The following TRPM5 variants were observed in gnomAD, a reference collection of about 807,000 sequenced individuals.
TRPM5 encodes MLSN1 and TRP-related.
TRPM5 carries 121 observed loss-of-function variants against 124.9 expected under a neutral mutation model. The ratio of observed to expected loss-of-function variants is 0.97; its 90% confidence interval spans 0.84 to 1.13. TRPM5 has a LOEUF of 1.13. Ranked by LOEUF, TRPM5 falls within the 50% of genes most tolerant of loss-of-function variation. The pLI is 0.00. For missense variants in TRPM5, 1,643 were observed against 1,589.1 expected, an observed-to-expected ratio of 1.03 and a Z score of -0.58; for synonymous variants, 781 against 700.5, an observed-to-expected ratio of 1.11 and a Z score of -1.81.
intron 13 of TRPM5, 99 bp from the exon 19 acceptor site, chr11:2,413,325 G>A: frequency 7.4e-7 from 1 of 1,350,010 alleles, no homozygotes; most frequent in Non-Finnish European, 1.0e-6. Flanking sequence ...TGGGATGCAG[G>A]GGCTGTGGGG....
the TRPM5 span, among the ~76,000 whole-genome samples, chr11:2,428,283 G>A: frequency 6.6e-6 from 1 of 152,142 alleles, no homozygotes; most frequent in Non-Finnish European, 1.5e-5. The surrounding 1 kb of genome is among the most constrained non-coding windows in gnomAD (Gnocchi z 4.0). Flanking sequence ...CCCCCTGTTC[G>A]GGGCCCCTCA....
At chr11:2,413,918 A>T (rs1188850324) in intron 12 of TRPM5, 143 bp downstream of exon 17, 1 of 1,212,810 alleles carries the variant, frequency 8.2e-7, no homozygotes, top group Non-Finnish European at 1.1e-6. Flanking sequence ...GCCTTCCAGG[A>T]ACAGAAGCCC....
chr11:2,411,871 G>A, intron 16 of TRPM5, 104 bp from the exon 22 acceptor site: 1 of 1,413,606 alleles, frequency 7.1e-7, no homozygotes, highest in Non-Finnish European at 9.7e-7. Context: ...GGCCAGGCCA[G>A]GACTCCTTGG....
intron 2 of TRPM5, among the ~76,000 whole-genome samples, chr11:2,421,792 G>C (rs990251461): frequency 6.6e-6 from 1 of 152,178 alleles, no homozygotes; most frequent in Non-Finnish European, 1.5e-5. Flanking sequence ...GTGGGAGCAG[G>C]GACATCTCAT....
chr11:2,413,935 G>A (rs935929094), intron 12 of TRPM5, 126 bp downstream of exon 17: 14 of 1,325,756 alleles, frequency 1.1e-5, no homozygotes, highest in East Asian at 7.6e-5. Context: ...GCCCCACCCC[G>A]CCCCCTCTGT....
chr11:2,405,123 G>T (rs1287105635), intron 23 of TRPM5, 80 bp from the exon 29 acceptor site: 4 of 1,234,768 alleles, frequency 3.2e-6, no homozygotes, highest in South Asian at 1.3e-5. Context: ...TGGCTCAGAG[G>T]CAAGGGCCAG....
At chr11:2,430,014 A>G in the TRPM5 span, among the ~76,000 whole-genome samples, 2 of 146,744 alleles carry the variant, frequency 1.4e-5, no homozygotes, top group Admixed American at 6.8e-5. Context: ...TCCTTCATCT[A>G]TCCTGGTCCT....
At chr11:2,444,085 C>T in the TRPM5 span, among the ~76,000 whole-genome samples, 2 of 152,038 alleles carry the variant, frequency 1.3e-5, no homozygotes, top group African/African-American at 4.8e-5. Flanking sequence ...AGGTCCAGAC[C>T]CCGGCTGTGC....
In TRPM5 at chr11:2,421,154, G is replaced by T. The variant is rs780630779; in HGVS notation, c.343C>A (p.His115Asn). Residue 115 changes from histidine to asparagine, a missense_variant, in exon 3 of 24, where the codon CAT becomes AAT. By Grantham distance (68) the His-to-Asn change is moderately conservative. Coordinates refer to ENST00000155858, the Ensembl canonical transcript of TRPM5. Reference sequence around the variant, plus strand: ...TGGTCGCGCACGGCCTGCCCGACATGCCTGGCCAGGCCCACGCGGAGGGCA... The same window carrying T: ...TGGTCGCGCACGGCCTGCCCGACATTCCTGGCCAGGCCCACGCGGAGGGCA... 19 of 1,542,038 alleles carry T rather than the reference G, an allele frequency of 1.2e-5. No individual in the cohort carries two copies. In the Middle Eastern group the frequency reaches 6.7e-4, roughly 55 times the overall value.
chr11:2,406,254 A>C, intron 21 of TRPM5, 163 bp from the exon 27 acceptor site: 2 of 735,378 alleles, frequency 2.7e-6, no homozygotes, highest in Admixed American at 2.1e-5. Context: ...GGACCCCTCA[A>C]AGTGCACCTG....
chr11:2,440,840 C>G, the TRPM5 span, among the ~76,000 whole-genome samples: 1 of 152,232 alleles, frequency 6.6e-6, no homozygotes, highest in Non-Finnish European at 1.5e-5. This position sits in a 1 kb window ranked among gnomAD's most constrained non-coding sequence, Gnocchi z 5.2. Flanking sequence ...GCTGTTCTAG[C>G]AGCCCAGCCC....
At chr11:2,405,094 C>T (rs1022848331) in intron 23 of TRPM5, 51 bp from the exon 29 acceptor site, 7 of 1,515,584 alleles carry the variant, frequency 4.6e-6, no homozygotes, top group Non-Finnish European at 6.4e-6. Context: ...AAGGCAGGCC[C>T]AGGAAGGGGA....
rs937345178 is a variant in TRPM5, at chr11:2,421,121, C to T, written c.376G>A (p.Ala126Thr). The change falls in exon 3 of 24, where the codon GCC becomes ACC. Residue 126 changes from alanine (A) to threonine (T), a missense_variant. Coordinates refer to ENST00000155858, the Ensembl canonical transcript of TRPM5. Reference sequence around the variant, plus strand: ...ACACGGACCTTGGTGGACGTGCTGGCCAGCGAGTGGTCGCGCACGGCCTGC... The same window carrying T: ...ACACGGACCTTGGTGGACGTGCTGGTCAGCGAGTGGTCGCGCACGGCCTGC... The T allele has an allele frequency of 3.2e-6, 5 of 1,544,578 alleles. No individual in the cohort carries two copies. In the African/African-American group the frequency reaches 5.5e-5, roughly 17 times the overall value.
exon 22 of TRPM5, chr11:2,406,078 C>T (rs748519336): frequency 1.9e-5 from 30 of 1,611,840 alleles, no homozygotes; most frequent in Admixed American, 1.8e-4. Flanking sequence ...AGGTACTTGG[C>T]AATGAAGTCC....
At chr11:2,406,520 GC>G in intron 21 of TRPM5, 140 bp downstream of exon 26, 1 of 1,171,710 alleles carries the variant, frequency 8.5e-7, no homozygotes. Flanking sequence ...GGAAAGCTAG[GC>G]CCCTGGGCTC....
chr11:2,404,768 G>T (rs1447232854), exon 24 of TRPM5: 3 of 591,122 alleles, frequency 5.1e-6, no homozygotes, highest in Admixed American at 3.0e-5. Flanking sequence ...GAGGGACAAG[G>T]AGCGGTTCCT....
At position 2,413,947 on chromosome 11, in the gene TRPM5, C is replaced by T. The variant is rs116192137; in HGVS notation, c.1890+114G>A. Reference sequence around the variant, plus strand: ...GAAGCCCCACCCCGCCCCCTCTGTGCTGAGGACGGGAGTGACAGGGCAGCT... The same window carrying T: ...GAAGCCCCACCCCGCCCCCTCTGTGTTGAGGACGGGAGTGACAGGGCAGCT... On this transcript the variant is annotated intron_variant, in intron 12 of 23. Coordinates refer to ENST00000155858, the Ensembl canonical transcript of TRPM5. 1.9e-3 allele frequency: 2,706 copies of T among 1,423,064 alleles called. 55 individuals are homozygous for T. In the African/African-American group the frequency reaches 0.035, roughly 18 times the overall value. 88.2% of individuals were successfully genotyped at this position (1,423,064 alleles called of 1,614,324 possible). A position where few individuals can be genotyped will look rare whatever the true frequency, so the allele number is the denominator to read the frequency against.
exon 21 of TRPM5, chr11:2,406,708 C>T (rs1318034098): frequency 1.2e-6 from 2 of 1,613,408 alleles, no homozygotes; most frequent in Admixed American, 3.3e-5. Context: ...CCCTCCTCCG[C>T]TTCTCCATCT....
chr11:2,427,417 C>T (rs371793561), upstream of TRPM5, among the ~76,000 whole-genome samples: 9 of 152,342 alleles, frequency 5.9e-5, no homozygotes, highest in South Asian at 1.9e-3. Context: ...GTGGGCCCAA[C>T]TCTCAAGCCT....
Sources: gnomAD v4.1 joint callset for allele counts (sites outside exome capture counted in the v4.1 genomes callset) on GRCh38, gnomAD v4.1.1 for gene constraint, Gnocchi (gnomAD v3.1) non-coding constraint, MANE v1.5 for transcripts, NCBI Gene and HGNC (gene_info 2026-07-23, HGNC 2026-07-21) for gene names.